Variants in IREB2 observed in about 807,000 individuals in gnomAD.
The protein encoded by IREB2 is iron responsive element binding protein 2.
A neutral mutation model predicts 118.8 loss-of-function variants in IREB2; 39 were observed. The ratio of observed to expected loss-of-function variants is 0.33; its 90% CI spans 0.25 to 0.43. IREB2 has a LOEUF of 0.43. Among genes scored for constraint, IREB2 ranks in the 20% least tolerant of loss-of-function variants. IREB2 has a pLI of 1.00. For missense variants in IREB2, 900 were observed against 1,147.3 expected (o/e 0.78, Z 3.11); for synonymous variants, 372 against 392.2 (o/e 0.95, Z 0.61).
chr15:78,452,258 G>A (rs12916558), intron 2 of IREB2, among the ~76,000 whole-genome samples: 32,375 of 152,034 alleles, frequency 0.21, 4,045 homozygotes, highest in East Asian at 0.33. Flanking sequence ...GCTAGGGAAT[G>A]GAAGATGAGG....
chr15:78,459,891 G>A (rs1404124575), intron 2 of IREB2, among the ~76,000 whole-genome samples: 1 of 152,102 alleles, frequency 6.6e-6, no homozygotes, highest in Non-Finnish European at 1.5e-5. Context: ...AGATTTGGCT[G>A]ATAGCTTCTT....
Position 78,501,265 on chromosome 15 carries a change from C to A in IREB2, c.*3122C>A, listed in dbSNP as rs924667401. The A allele has an allele frequency of 6.6e-6, 1 of 152,444 alleles. No homozygotes were observed. The highest frequency in any genetic ancestry group is 1.5e-5 in the Non-Finnish European group (1 of 68,002). The allele number at this position is 152,444 out of a possible 1,614,324, so 9.4% of individuals were successfully genotyped here. ...TTAAGTAACAAAGTAATCACTTTGT[C>A]TATCACTAAGTAATAGACAAAAATC... On this transcript the variant is annotated 3_prime_UTR_variant, in exon 22 of 22. Coordinates refer to ENST00000258886, the MANE Select transcript of IREB2 (RefSeq NM_004136.4).
chr15:78,476,815 A>G (rs1294216217), intron 9 of IREB2: 1 of 152,342 alleles, frequency 6.6e-6, no homozygotes, highest in Non-Finnish European at 1.5e-5. Flanking sequence ...ACAGTTTCTA[A>G]ATCTTTTTGT....
At position 78,498,200 on chromosome 15, in the gene IREB2, G is replaced by C. The variant is rs2051872633; in HGVS notation, c.*57G>C. 1 of 944,184 alleles carries C rather than the reference G, an allele frequency of 1.1e-6. No individual in the cohort carries two copies. The highest frequency in any genetic ancestry group is 1.7e-6 in the Non-Finnish European group (1 of 579,014). The allele number at this position is 944,184 out of a possible 1,614,324, so 58.5% of individuals were successfully genotyped here. Reference sequence around the variant, plus strand: ...GGTAACTGCAAAGCCTTTTGTGCTGGACCCAGGAATCCTTACCATGGAGCA... The same window carrying C: ...GGTAACTGCAAAGCCTTTTGTGCTGCACCCAGGAATCCTTACCATGGAGCA... On this transcript the variant is annotated 3_prime_UTR_variant, in exon 22 of 22. Coordinates refer to ENST00000258886, the MANE Select transcript of IREB2 (RefSeq NM_004136.4).
intron 13 of IREB2, among the ~76,000 whole-genome samples, chr15:78,486,206 T>C (rs1252149402): frequency 6.6e-6 from 1 of 152,166 alleles, no homozygotes; most frequent in African/African-American, 2.4e-5. Context: ...AAAGAAATCT[T>C]ATAGTTTGCA....
intron 8 of IREB2, chr15:78,473,760 C>T (rs2051418934): frequency 6.2e-6 from 1 of 161,864 alleles, no homozygotes; most frequent in Non-Finnish European, 1.3e-5. Context: ...TTCTTGAGTC[C>T]ATTGTCTTAA....
At chr15:78,440,138 A>T (rs2050822767) in intron 2 of IREB2, among the ~76,000 whole-genome samples, 1 of 152,100 alleles carries the variant, frequency 6.6e-6, no homozygotes, top group Non-Finnish European at 1.5e-5. Context: ...CCAATAATGC[A>T]GTTTTCAAAC....
At chr15:78,456,919 G>A (rs748033331) in intron 2 of IREB2, among the ~76,000 whole-genome samples, 4 of 151,844 alleles carry the variant, frequency 2.6e-5, no homozygotes, top group Non-Finnish European at 5.9e-5. Context: ...TTGATTTTCC[G>A]ATTTTAGACT....
intron 2 of IREB2, among the ~76,000 whole-genome samples, chr15:78,457,048 C>A (rs746578297): frequency 2.0e-5 from 3 of 152,152 alleles, no homozygotes; most frequent in African/African-American, 7.2e-5. Flanking sequence ...ATGTTCTTAG[C>A]CAATCCTTGT....
intron 7 of IREB2, among the ~76,000 whole-genome samples, chr15:78,472,594 T>C (rs1156743887): frequency 6.6e-6 from 1 of 152,224 alleles, no homozygotes; most frequent in Non-Finnish European, 1.5e-5. Flanking sequence ...TTTGAATTCC[T>C]AGCCTTAAGT....
chr15:78,482,343 T>C (rs1176108470), intron 10 of IREB2, among the ~76,000 whole-genome samples: 1 of 152,208 alleles, frequency 6.6e-6, no homozygotes, highest in Non-Finnish European at 1.5e-5. Flanking sequence ...AAGATGGTTA[T>C]ATTCACATAA....
At chr15:78,479,484 G>A (rs906143076) in intron 10 of IREB2, among the ~76,000 whole-genome samples, 6 of 148,640 alleles carry the variant, frequency 4.0e-5, no homozygotes, top group African/African-American at 1.5e-4. Context: ...AATTCCTCCT[G>A]CCTTGGCCTC....
At chr15:78,476,458 AC>A in intron 9 of IREB2, 99 bp downstream of exon 9, 1 of 833,920 alleles carries the variant, frequency 1.2e-6, no homozygotes. Flanking sequence ...TTTACTATTC[AC>A]AAAATTACAT....
intron 10 of IREB2, among the ~76,000 whole-genome samples, chr15:78,481,351 C>T (rs112337935): frequency 0.13 from 19,960 of 151,418 alleles, 1,448 homozygotes; most frequent in Non-Finnish European, 0.16. Context: ...TACAGACATG[C>T]GCCACCATGC....
At chr15:78,497,459 C>G (rs1478387626) in intron 21 of IREB2, 148 bp downstream of exon 21, 5 of 643,524 alleles carry the variant, frequency 7.8e-6, no homozygotes, top group Non-Finnish European at 1.3e-5. Flanking sequence ...ATACTTAGAT[C>G]TAGCTATGTT....
intron 2 of IREB2, among the ~76,000 whole-genome samples, chr15:78,440,218 G>A (rs1268873674): frequency 6.6e-6 from 1 of 151,912 alleles, no homozygotes; most frequent in Non-Finnish European, 1.5e-5. Context: ...GAACCCCTGG[G>A]CCCAAATAAT....
chr15:78,484,966 T>G, intron 12 of IREB2, 46 bp downstream of exon 12: 1 of 1,565,064 alleles, frequency 6.4e-7, no homozygotes, highest in Non-Finnish European at 8.7e-7. Flanking sequence ...CCTTAATTAT[T>G]GTTGGCTTTT....
chr15:78,478,716 AAATAAT>A (rs532779123), intron 10 of IREB2, among the ~76,000 whole-genome samples: 4 of 152,256 alleles, frequency 2.6e-5, no homozygotes, highest in South Asian at 4.1e-4. Context: ...AAAAGGAAAA[AAATAAT>A]AATAATAAAT....
intron 2 of IREB2, among the ~76,000 whole-genome samples, chr15:78,443,972 T>C (rs574379246): frequency 6.6e-6 from 1 of 152,304 alleles, no homozygotes; most frequent in East Asian, 1.9e-4. Flanking sequence ...TTTAATATTC[T>C]GGAGCTGGCT....
Sources: allele counts gnomAD v4.1 joint callset (sites outside exome capture counted in the v4.1 genomes callset), GRCh38; gene constraint gnomAD v4.1.1; transcripts MANE v1.5; gene names NCBI Gene and HGNC (gene_info 2026-07-23, HGNC 2026-07-21).